Variants in CARNMT1 observed in about 807,000 individuals in gnomAD.
CARNMT1 encodes the protein carnosine N-methyltransferase 1.
CARNMT1 carries 28 observed loss-of-function variants against 49.6 expected under a neutral mutation model. The observed-to-expected ratio is 0.56, with a 90% confidence interval of 0.42 to 0.77. The LOEUF (loss-of-function observed/expected upper bound fraction) is 0.77. CARNMT1 is among the 30% of genes least tolerant of loss of function. The pLI is 0.00. For missense variants in CARNMT1, 421 were observed against 512.6 expected (o/e 0.82, Z 1.73); for synonymous variants, 178 against 175.0 (o/e 1.02, Z -0.13).
chr9:75,027,888 G>C (rs1822577096), intron 1 of CARNMT1, 124 bp downstream of exon 1: 2 of 1,116,878 alleles, frequency 1.8e-6, no homozygotes, highest in Admixed American at 8.3e-5. Context: ...GTCAGCTGCA[G>C]CAGCCGGGTC....
intron 1 of CARNMT1, among the ~76,000 whole-genome samples, chr9:75,023,267 A>T (rs1474865921): frequency 6.6e-6 from 1 of 151,906 alleles, no homozygotes; most frequent in Non-Finnish European, 1.5e-5. Context: ...TTCCTGCCCC[A>T]CCTCTAATCA....
At position 75,010,619 on chromosome 9, in the gene CARNMT1, G is replaced by A. The variant is rs114717957; in HGVS notation, c.590+5649C>T. Among the ~76,000 whole-genome samples, 490 of 152,288 alleles carry A rather than the reference G, an allele frequency of 3.2e-3. 4 individuals carry two copies. The highest frequency in any genetic ancestry group is 0.012 in the African/African-American group (481 of 41,566). ...CATACATGTAACTGGAATACCAGAA[G>A]AGAAAGAAGTAGAGGAAATGATAGA... On this transcript the variant is annotated intron_variant, in intron 3 of 7. Coordinates refer to ENST00000376834, the MANE Select transcript of CARNMT1 (RefSeq NM_152420.3).
chr9:74,990,045 C>G (rs911041637), intron 6 of CARNMT1, among the ~76,000 whole-genome samples: 1 of 152,004 alleles, frequency 6.6e-6, no homozygotes, highest in Non-Finnish European at 1.5e-5. Flanking sequence ...CCAGAAGAAA[C>G]AGAGAAAAAG....
At chr9:74,985,732 G>A (rs200372231) in intron 6 of CARNMT1, among the ~76,000 whole-genome samples, 10 of 151,916 alleles carry the variant, frequency 6.6e-5, no homozygotes, top group East Asian at 1.9e-4. Flanking sequence ...GGAACCTGTC[G>A]CCACGCCAGG....
chr9:74,991,696 G>C (rs1210230437), intron 6 of CARNMT1: 2 of 152,094 alleles, frequency 1.3e-5, no homozygotes, highest in African/African-American at 4.8e-5. Context: ...GATTATAGAG[G>C]AGTCAACTGT....
intron 6 of CARNMT1, among the ~76,000 whole-genome samples, chr9:74,995,714 A>G (rs1420759298): frequency 1.3e-5 from 2 of 152,322 alleles, no homozygotes; most frequent in Non-Finnish European, 2.9e-5. Context: ...CCTTTTATGT[A>G]GTATAATAAT....
Position 74,999,790 on chromosome 9 carries a change from G to A in CARNMT1, c.671C>T (p.Ala224Val). The change falls in exon 4 of 8, where the codon GCT (alanine) becomes GTT (valine). Residue 224 changes from alanine (A) to valine (V), a missense_variant. Ala to Val is a moderately conservative substitution (Grantham distance 64). This residue lies in a region of CARNMT1 where 235 missense variants were observed against 344.8 expected (regional missense o/e 0.68). Coordinates refer to ENST00000376834, the MANE Select transcript of CARNMT1 (RefSeq NM_152420.3). ...LAWEIAMLGY[A>V]CQGNEWSFFM... ...AAAACTCCATTCATTTCCTTGACAA[G>A]CATAACCTAGCATAGCTATTTCCCA... The A allele has an allele frequency of 1.9e-6, 3 of 1,612,270 alleles. No homozygotes were observed. The highest frequency in any genetic ancestry group is 2.5e-6 in the Non-Finnish European group (3 of 1,179,014).
At chr9:75,017,826 T>C (rs1370090560) in intron 1 of CARNMT1, among the ~76,000 whole-genome samples, 1 of 152,218 alleles carries the variant, frequency 6.6e-6, no homozygotes, top group East Asian at 1.9e-4. Context: ...TATGAAATTA[T>C]AATACACACA....
chr9:75,018,477 A>T (rs1833913650), intron 1 of CARNMT1, among the ~76,000 whole-genome samples: 1 of 152,184 alleles, frequency 6.6e-6, no homozygotes, highest in South Asian at 2.1e-4. Flanking sequence ...GATTGGTGAA[A>T]ATATGGTGTA....
At chr9:74,994,669 G>C (rs1311499141) in intron 6 of CARNMT1, among the ~76,000 whole-genome samples, 1 of 152,088 alleles carries the variant, frequency 6.6e-6, no homozygotes, top group Non-Finnish European at 1.5e-5. Context: ...GAAAAACACA[G>C]ATTAGATGCC....
Position 74,988,980 on chromosome 9 carries a change from A to G in CARNMT1, c.1025-3970T>C, listed in dbSNP as rs62569585. Among the ~76,000 whole-genome samples the G allele has an allele frequency of 5.4e-3, 817 of 152,372 alleles. 2 individuals carry two copies. Among genetic ancestry groups the G allele is most frequent in the Admixed American group, 0.011 (171 of 15,302 alleles). ...ATATCCCATCTCACTGTACTTACCT[A>G]AGCTTTAAGTAAGCAAATTTAAAAA... On this transcript the variant is annotated intron_variant, in intron 6 of 7. Coordinates refer to ENST00000376834, the MANE Select transcript of CARNMT1 (RefSeq NM_152420.3).
chr9:75,003,322 C>A (rs537649600), intron 3 of CARNMT1, among the ~76,000 whole-genome samples: 2 of 152,340 alleles, frequency 1.3e-5, no homozygotes, highest in Admixed American at 1.3e-4. Context: ...TTATAGTTTA[C>A]ATACCAAGGT....
chr9:74,999,370 A>G, intron 4 of CARNMT1, among the ~76,000 whole-genome samples: 1 of 152,204 alleles, frequency 6.6e-6, no homozygotes, highest in Middle Eastern at 3.2e-3. Context: ...TAATTGCTAA[A>G]CTAAACTCTT....
At chr9:74,987,127 G>A (rs1029070233) in intron 6 of CARNMT1, among the ~76,000 whole-genome samples, 1 of 152,128 alleles carries the variant, frequency 6.6e-6, no homozygotes, top group Non-Finnish European at 1.5e-5. Context: ...TTCCCAAAGA[G>A]TTATAAGTTT....
At chr9:75,001,930 T>C (rs1833370828) in intron 3 of CARNMT1, among the ~76,000 whole-genome samples, 1 of 151,718 alleles carries the variant, frequency 6.6e-6, no homozygotes, top group African/African-American at 2.4e-5. Flanking sequence ...AAAGCCAGAA[T>C]AGAAAGGCAT....
chr9:74,993,029 TCC>T (rs891024604), intron 6 of CARNMT1, among the ~76,000 whole-genome samples: 1 of 152,328 alleles, frequency 6.6e-6, no homozygotes, highest in African/African-American at 2.4e-5. Flanking sequence ...CTTAGTATGT[TCC>T]CTTTTTCAAA....
At chr9:74,994,695 T>C (rs1455615165) in intron 6 of CARNMT1, among the ~76,000 whole-genome samples, 1 of 152,162 alleles carries the variant, frequency 6.6e-6, no homozygotes, top group Non-Finnish European at 1.5e-5. Flanking sequence ...CACAGTAACA[T>C]TTAAAAGAAA....
intron 1 of CARNMT1, among the ~76,000 whole-genome samples, chr9:75,025,229 A>G (rs754671651): frequency 2.4e-4 from 37 of 152,148 alleles, no homozygotes; most frequent in Non-Finnish European, 4.4e-4. Context: ...CCATGGTGTT[A>G]TTTAAGGTTT....
At chr9:74,994,708 T>C (rs143894683) in intron 6 of CARNMT1, among the ~76,000 whole-genome samples, 79 of 152,218 alleles carry the variant, frequency 5.2e-4, no homozygotes, top group Non-Finnish European at 7.9e-4. Context: ...AAAAGAAAGC[T>C]GATTCTGAGA....
Sources: gnomAD v4.1 joint callset for allele counts (sites outside exome capture counted in the v4.1 genomes callset) on GRCh38, gnomAD v4.1.1 for gene constraint, gnomAD v4.1.1 regional missense constraint, MANE v1.5 for transcripts, NCBI Gene and HGNC (gene_info 2026-07-23, HGNC 2026-07-21) for gene names.